Variants in ZBTB7C observed in about 807,000 individuals in gnomAD.
ZBTB7C encodes zinc finger and BTB domain containing 7C, also known as zinc finger and BTB domain-containing protein 7C.
In ZBTB7C, 8 loss-of-function variants were observed where a neutral mutation model predicts 25.7. The ratio of observed to expected loss-of-function variants is 0.31; its 90% CI spans 0.18 to 0.56. The LOEUF (loss-of-function observed/expected upper bound fraction) is 0.56. Among genes scored for constraint, ZBTB7C ranks in the 20% least tolerant of loss-of-function variants. The probability of loss-of-function intolerance (pLI) is 0.91; values close to 1 mark genes in which losing one functional copy is unlikely to be tolerated. For missense variants in ZBTB7C, 824 were observed against 855.2 expected (o/e 0.96, Z 0.46); for synonymous variants, 394 against 369.0 (o/e 1.07, Z -0.78).
At chr18:48,372,146 C>G (rs557683135) in intron 1 of ZBTB7C, among the ~76,000 whole-genome samples, 3 of 152,214 alleles carry the variant, frequency 2.0e-5, no homozygotes, top group Admixed American at 2.0e-4. Context: ...CAGTGCTCAC[C>G]TGGCTGCAGT....
At position 48,036,169 on chromosome 18, in the gene ZBTB7C, G is replaced by T. The variant is rs537476173; in HGVS notation, c.1208+3731C>A. Reference sequence around the variant, plus strand: ...GTGGGACACCTGGTAGGACTGGCTGGAATCTAGAGCTGCCTCAGAGGTGAG... The same window carrying T: ...GTGGGACACCTGGTAGGACTGGCTGTAATCTAGAGCTGCCTCAGAGGTGAG... On this transcript the variant is annotated intron_variant, in intron 4 of 4. Transcript: ENST00000590800. Among the ~76,000 whole-genome samples the T allele has an allele frequency of 7.7e-4, 117 of 152,350 alleles. 1 individual carries two copies. Among genetic ancestry groups the T allele is most frequent in the African/African-American group, 2.5e-3 (105 of 41,594 alleles).
At chr18:48,079,682 C>G (rs1175079288) in intron 3 of ZBTB7C, among the ~76,000 whole-genome samples, 1 of 152,266 alleles carries the variant, frequency 6.6e-6, no homozygotes, top group Non-Finnish European at 1.5e-5. Context: ...CAGACCCATA[C>G]TCTTAGCAAA....
intron 2 of ZBTB7C, among the ~76,000 whole-genome samples, chr18:48,332,084 T>C (rs1349580616): frequency 2.0e-5 from 3 of 152,192 alleles, no homozygotes; most frequent in African/African-American, 7.2e-5. Context: ...CTCCAATATA[T>C]CCTTCTACAG....
At chr18:48,347,279 C>T (rs956110118) in intron 1 of ZBTB7C, among the ~76,000 whole-genome samples, 1 of 134,252 alleles carries the variant, frequency 7.4e-6, no homozygotes, top group Non-Finnish European at 1.7e-5. Flanking sequence ...AAGCTCCTGA[C>T]CTCAAGTGAT....
intron 1 of ZBTB7C, among the ~76,000 whole-genome samples, chr18:48,344,395 C>A (rs527633354): frequency 2.6e-5 from 4 of 152,336 alleles, no homozygotes; most frequent in East Asian, 3.9e-4. Flanking sequence ...AGTCAAGATC[C>A]TGCATTGCTA....
intron 2 of ZBTB7C, among the ~76,000 whole-genome samples, chr18:48,221,841 T>G (rs79790759): frequency 1.4e-4 from 15 of 107,886 alleles, no homozygotes; most frequent in South Asian, 2.8e-4. Flanking sequence ...TGTCCTAGTC[T>G]CCCTCTATGC....
At chr18:48,409,594 G>C (rs9960550), upstream of ZBTB7C, among the ~76,000 whole-genome samples, 143,471 of 150,274 alleles carry the variant, frequency 0.95, 68,519 homozygotes, top group Middle Eastern at 0.98. Context: ...CCCGCCGCGC[G>C]GCACATGCAC....
At chr18:48,386,095 A>G (rs1220294893) in intron 1 of ZBTB7C, among the ~76,000 whole-genome samples, 1 of 152,196 alleles carries the variant, frequency 6.6e-6, no homozygotes, top group Non-Finnish European at 1.5e-5. Context: ...AAGACTGTCT[A>G]CTAAGAATAG....
chr18:48,199,505 A>G (rs970131450), intron 2 of ZBTB7C, among the ~76,000 whole-genome samples: 1 of 151,950 alleles, frequency 6.6e-6, no homozygotes, highest in African/African-American at 2.4e-5. Context: ...CACTTTATGG[A>G]TGCATTATCT....
At chr18:48,167,563 G>GGGGTGT (rs1555705394) in intron 3 of ZBTB7C, among the ~76,000 whole-genome samples, 37 of 142,578 alleles carry the variant, frequency 2.6e-4, no homozygotes, top group South Asian at 1.6e-3. Context: ...GCATTGCTAG[G>GGGGTGT]GTGTGTGTGT....
At chr18:48,053,306 C>T (rs747861738) in intron 3 of ZBTB7C, among the ~76,000 whole-genome samples, 23 of 152,190 alleles carry the variant, frequency 1.5e-4, no homozygotes, top group Non-Finnish European at 2.5e-4. Context: ...CTTGCATGCG[C>T]GGGTTGGGGA....
intron 1 of ZBTB7C, among the ~76,000 whole-genome samples, chr18:48,392,557 A>G (rs2047926460): frequency 1.3e-5 from 2 of 152,178 alleles, no homozygotes; most frequent in Non-Finnish European, 2.9e-5. Context: ...TCCTTTCAGG[A>G]TTGCTAAGTG....
intron 1 of ZBTB7C, among the ~76,000 whole-genome samples, chr18:48,368,519 A>C (rs72919601): frequency 0.11 from 16,571 of 152,242 alleles, 1,058 homozygotes; most frequent in Non-Finnish European, 0.14. Context: ...AAACGGGTAG[A>C]GCTGAAAAGG....
chr18:48,029,372 G>A lies in ZBTB7C; in HGVS notation c.1748C>T (p.Ala583Val), dbSNP rs888386800. 3 of 1,552,498 alleles carry A rather than the reference G, an allele frequency of 1.9e-6. No individual in the cohort carries two copies. Among genetic ancestry groups the A allele is most frequent in the South Asian group, 1.2e-5 (1 of 85,716 alleles). ...CAGCGGGAAGTAGGGCCGCGCCGCC[G>A]CCACGTTCTCGGCCAGCGCGAAGGC... ...LLAFALAENV[A>V]AARPYFPLPD... Residue 583 changes from alanine (A) to valine (V), a missense_variant, in exon 5 of 5, where the codon GCG becomes GTG. By Grantham distance (64) the Ala-to-Val change is moderately conservative. Transcript: ENST00000590800.
chr18:48,148,171 T>G (rs1184875235), intron 3 of ZBTB7C: 1 of 151,220 alleles, frequency 6.6e-6, no homozygotes, highest in Non-Finnish European at 1.5e-5. Context: ...TTTTTTTTTT[T>G]TTTTTTTTGC....
intron 2 of ZBTB7C, among the ~76,000 whole-genome samples, chr18:48,251,821 T>C (rs1407065647): frequency 6.6e-6 from 1 of 152,188 alleles, no homozygotes; most frequent in East Asian, 1.9e-4. Flanking sequence ...TATAAAACCC[T>C]GTGCATTTCA....
intron 3 of ZBTB7C, chr18:48,180,458 T>C: frequency 2.4e-6 from 1 of 420,408 alleles, no homozygotes; most frequent in African/African-American, 2.1e-5. Flanking sequence ...ACAGAAGCTT[T>C]CATGTCACCT....
Position 48,029,767 on chromosome 18 carries a change from C to G in ZBTB7C, c.1353G>C (p.Glu451Asp), listed in dbSNP as rs976412060. The G allele has an allele frequency of 3.1e-6, 5 of 1,608,658 alleles. No homozygotes were observed. Among genetic ancestry groups the G allele is most frequent in the Non-Finnish European group, 4.2e-6 (5 of 1,180,006 alleles). Residue 451 changes from glutamate to aspartate, a missense_variant, in exon 5 of 5, where the codon GAG becomes GAC. Coordinates refer to ENST00000590800, the MANE Select transcript of ZBTB7C (RefSeq NM_001318841.2). ...AGCGCGTGAAGCTCTTGTAGCAGAA[C>G]TCGCACTGGTAGGGCCGCACGCCCG... Reference protein sequence around the residue: ...IHTGVRPYQCEFCYKSFTRSD... With the variant: ...IHTGVRPYQCDFCYKSFTRSD...
chr18:48,206,987 A>C (rs1448023389), intron 2 of ZBTB7C, among the ~76,000 whole-genome samples: 1 of 152,228 alleles, frequency 6.6e-6, no homozygotes, highest in Non-Finnish European at 1.5e-5. Context: ...ACAAAGAAAG[A>C]CAACAAATAA....
Sources: allele counts gnomAD v4.1 joint callset (sites outside exome capture counted in the v4.1 genomes callset), GRCh38; gene constraint gnomAD v4.1.1; transcripts MANE v1.5; gene names NCBI Gene and HGNC (gene_info 2026-07-23, HGNC 2026-07-21).